Variants in GORASP2 observed in about 807,000 individuals in gnomAD.
GORASP2 encodes golgi reassembly stacking protein 2.
Under a neutral mutation model 45.7 loss-of-function variants are expected in GORASP2, and 22 were observed. The observed-to-expected ratio is 0.48, with a 90% confidence interval of 0.34 to 0.69. The LOEUF is 0.69. Ranked by LOEUF, GORASP2 falls within the 30% of genes least tolerant of loss-of-function variation. The probability of loss-of-function intolerance (pLI) is 0.01; values close to 1 mark genes in which losing one functional copy is unlikely to be tolerated. For missense variants in GORASP2, 491 were observed against 562.7 expected, an observed-to-expected ratio of 0.87 and a Z score of 1.29; for synonymous variants, 221 against 215.6, an observed-to-expected ratio of 1.02 and a Z score of -0.22.
chr2:170,949,976 G>A (rs969815978), intron 3 of GORASP2: 14 of 542,360 alleles, frequency 2.6e-5, no homozygotes, highest in Non-Finnish European at 2.9e-5. Flanking sequence ...ATTATAAGAT[G>A]TGTTAGAGTA....
At chr2:170,929,182 G>A (rs1158386672), upstream of GORASP2, 6 of 495,868 alleles carry the variant, frequency 1.2e-5, no homozygotes, top group African/African-American at 1.2e-4. Flanking sequence ...CAGCGGCCCG[G>A]GCTGCAGCAG....
chr2:170,948,339 T>C lies in GORASP2; in HGVS notation c.64-11T>C. 3.3e-6 allele frequency: 5 copies of C among 1,535,424 alleles called. No homozygotes were observed. Among genetic ancestry groups the C allele is most frequent in the Non-Finnish European group, 4.5e-6 (5 of 1,115,420 alleles). On this transcript the variant is annotated splice_polypyrimidine_tract_variant and intron_variant, in intron 1 of 9. Transcript: ENST00000234160. ...TTACATTTTTTATTTTTGTCGTTTT[T>C]GTTTCCGCAGGTACAAGAAAATTCC...
intron 1 of GORASP2, among the ~76,000 whole-genome samples, chr2:170,940,239 A>G (rs888375508): frequency 3.3e-5 from 5 of 152,184 alleles, no homozygotes; most frequent in Non-Finnish European, 7.4e-5. Context: ...GTCTGGTGAT[A>G]TCCTGTGTGC....
In GORASP2 at chr2:170,951,352, G is replaced by A. The variant is rs779935932; in HGVS notation, c.460G>A (p.Glu154Lys). ...GTCTGAAGATCTATTCAGCCTTATC[G>A]AAACACATGAAGCAAAACCATTGAA... ...NESEDLFSLI[E>K]THEAKPLKLY... The change falls in exon 5 of 10, where the codon GAA becomes AAA. Residue 154 changes from glutamate (E) to lysine (K), a missense_variant. Physicochemically the swap from Glu to Lys is moderately conservative, Grantham distance 56. Transcript: ENST00000234160. The A allele has an allele frequency of 8.1e-6, 13 of 1,608,686 alleles. No homozygotes were observed. Among genetic ancestry groups the A allele is most frequent in the Admixed American group, 1.7e-5 (1 of 58,506 alleles).
At chr2:170,956,289 T>G (rs1343566155) in intron 6 of GORASP2, 147 bp from the exon 7 acceptor site, 1 of 614,124 alleles carries the variant, frequency 1.6e-6, no homozygotes, top group African/African-American at 1.9e-5. Flanking sequence ...TAGGAGGGAG[T>G]GTCTGGAGGC....
intron 1 of GORASP2, among the ~76,000 whole-genome samples, chr2:170,932,841 G>T (rs1703859918): frequency 6.6e-6 from 1 of 152,158 alleles, no homozygotes; most frequent in South Asian, 2.1e-4. Flanking sequence ...ATCTTAAGAG[G>T]TTAACATTAC....
At chr2:170,939,100 A>G (rs1704017911) in intron 1 of GORASP2, among the ~76,000 whole-genome samples, 1 of 152,236 alleles carries the variant, frequency 6.6e-6, no homozygotes, top group African/African-American at 2.4e-5. Context: ...AGAATATAAA[A>G]TGAGTTCAGA....
At chr2:170,948,754 A>G (rs1392493329) in intron 2 of GORASP2, 1 of 171,756 alleles carries the variant, frequency 5.8e-6, no homozygotes, top group Non-Finnish European at 1.2e-5. Flanking sequence ...TGACAAATGG[A>G]TTACTAGAAA....
intron 1 of GORASP2, among the ~76,000 whole-genome samples, chr2:170,947,509 T>G (rs1268153732): frequency 2.6e-5 from 4 of 152,226 alleles, no homozygotes; most frequent in African/African-American, 9.6e-5. Flanking sequence ...CCTTAGAACC[T>G]TATACCAAAT....
chr2:170,953,828 C>T (rs1575476599), intron 5 of GORASP2: 1 of 152,244 alleles, frequency 6.6e-6, no homozygotes, highest in African/African-American at 2.4e-5. Flanking sequence ...ATTCATTCTA[C>T]TAAACCCATT....
chr2:170,938,207 A>G (rs1318853041), intron 1 of GORASP2, among the ~76,000 whole-genome samples: 3 of 152,252 alleles, frequency 2.0e-5, no homozygotes, highest in African/African-American at 4.8e-5. Flanking sequence ...TAAGGATTCA[A>G]ATGTTAGCTG....
intron 9 of GORASP2, 119 bp downstream of exon 9, chr2:170,963,065 C>A: frequency 1.5e-6 from 1 of 685,010 alleles, no homozygotes. Flanking sequence ...TCAGCTACTT[C>A]AAATAAATAT....
intron 7 of GORASP2, 79 bp downstream of exon 7, chr2:170,956,638 C>A: frequency 8.1e-7 from 1 of 1,230,862 alleles, no homozygotes; most frequent in Non-Finnish European, 1.1e-6. Flanking sequence ...TGACCAGACA[C>A]AGTGGCTCAC....
At chr2:170,965,697 C>T in intron 9 of GORASP2, 93 bp from the exon 10 acceptor site, 1 of 902,360 alleles carries the variant, frequency 1.1e-6, no homozygotes, top group Non-Finnish European at 1.8e-6. Flanking sequence ...CTTCAGTTTC[C>T]TTAATGAAAT....
At chr2:170,947,684 A>T in intron 1 of GORASP2, among the ~76,000 whole-genome samples, 1 of 152,180 alleles carries the variant, frequency 6.6e-6, no homozygotes. Context: ...AGTAGTAGTC[A>T]AGGAATAATT....
chr2:170,961,357 A>G (rs1294106798), intron 7 of GORASP2, among the ~76,000 whole-genome samples: 1 of 152,230 alleles, frequency 6.6e-6, no homozygotes, highest in African/African-American at 2.4e-5. Flanking sequence ...TTTCTAAGAC[A>G]GTTTTCTAAT....
chr2:170,948,331 G>A lies in GORASP2; in HGVS notation c.64-19G>A, dbSNP rs1704224196. 6.9e-7 allele frequency: 1 copy of A among 1,446,198 alleles called. No individual in the cohort carries two copies. Among genetic ancestry groups the A allele is most frequent in the Admixed American group, 1.8e-5 (1 of 55,912 alleles). 89.6% of individuals were successfully genotyped at this position (1,446,198 alleles called of 1,614,324 possible). On this transcript the variant is annotated intron_variant, in intron 1 of 9. Coordinates refer to ENST00000234160, the MANE Select transcript of GORASP2 (RefSeq NM_015530.5). ...CCTAAGCTTTACATTTTTTATTTTT[G>A]TCGTTTTTGTTTCCGCAGGTACAAG... is the stretch of plus-strand genomic sequence containing the variant.
intron 1 of GORASP2, 113 bp downstream of exon 1, chr2:170,929,516 G>A (rs899081358): frequency 6.6e-6 from 6 of 903,106 alleles, no homozygotes; most frequent in Non-Finnish European, 9.3e-6. Context: ...ATCCCGCGAA[G>A]GAGCGGCGGT....
upstream of GORASP2, chr2:170,928,775 T>C (rs1212863585): frequency 1.3e-5 from 2 of 152,218 alleles, no homozygotes; most frequent in East Asian, 1.9e-4. Context: ...TTTTATAAAA[T>C]TTAGCTGAGC....
Sources: allele counts gnomAD v4.1 joint callset (sites outside exome capture counted in the v4.1 genomes callset), GRCh38; gene constraint gnomAD v4.1.1; transcripts MANE v1.5; gene names NCBI Gene and HGNC (gene_info 2026-07-23, HGNC 2026-07-21).